ZBTB45: variants seen among roughly 807,000 people sequenced by gnomAD.
ZBTB45 encodes the protein zinc finger and BTB domain-containing protein 45.
In ZBTB45, 22 loss-of-function variants were observed where a neutral mutation model predicts 28.4. The ratio of observed to expected loss-of-function variants is 0.77; its 90% CI spans 0.55 to 1.10. The LOEUF (loss-of-function observed/expected upper bound fraction) is 1.10. ZBTB45 is among the 50% of genes least tolerant of loss of function. ZBTB45 has a pLI of 0.00. For synonymous variants in ZBTB45, 361 were observed against 332.3 expected, an observed-to-expected ratio of 1.09 and a Z score of -0.94; for missense variants, 656 against 750.2, an observed-to-expected ratio of 0.87 and a Z score of 1.47.
At position 58,514,193 on chromosome 19, in the gene ZBTB45, T is replaced by G. The variant is rs745440617; in HGVS notation, c.1397A>C (p.Lys466Thr). The change falls in exon 3 of 3, where the codon AAG (lysine) becomes ACG (threonine). Residue 466 changes from lysine (K) to threonine (T), a missense_variant. By Grantham distance (78) the Lys-to-Thr change is moderately conservative. Around this residue, in one of 3 missense-constraint regions of ZBTB45, gnomAD observed 103 missense variants for 153.5 expected, o/e 0.67. Transcript: ENST00000594051. ...GAGCGAGCTCTTCTGCGTGAAGCGC[T>G]TGGCGCAGACGGCGCACTGGAAGGC... ...VRAFQCAVCA[K>T]RFTQKSSLNV... 6.2e-7 allele frequency: 1 copy of G among 1,612,600 alleles called. No homozygotes were observed. Among genetic ancestry groups the G allele is most frequent in the South Asian group, 1.1e-5 (1 of 91,046 alleles).
chr19:58,534,617 C>T (rs1164405722), intron 1 of ZBTB45, among the ~76,000 whole-genome samples: 5 of 149,180 alleles, frequency 3.4e-5, no homozygotes, highest in African/African-American at 7.5e-5. Flanking sequence ...AGTGCAGTGG[C>T]GCAATCTCGG....
At chr19:58,536,060 C>T (rs1412819897) in intron 1 of ZBTB45, among the ~76,000 whole-genome samples, 1 of 151,998 alleles carries the variant, frequency 6.6e-6, no homozygotes, top group Admixed American at 6.6e-5. Flanking sequence ...AGGGCCATAC[C>T]CTAGAGTTGT....
intron 1 of ZBTB45, among the ~76,000 whole-genome samples, chr19:58,525,790 C>G (rs1208387147): frequency 6.6e-6 from 1 of 152,156 alleles, no homozygotes; most frequent in Non-Finnish European, 1.5e-5. Flanking sequence ...GTACTACCAG[C>G]CCTGTGGACA....
At position 58,513,830 on chromosome 19, in the gene ZBTB45, C is replaced by G; in HGVS notation, c.*224G>C. Reference sequence around the variant, plus strand: ...GTCCAGTTCTCAGAAGTGGTCTAACCAGCCCCAGCCCCAGCCCGGCACCAC... The same window carrying G: ...GTCCAGTTCTCAGAAGTGGTCTAACGAGCCCCAGCCCCAGCCCGGCACCAC... On this transcript the variant is annotated 3_prime_UTR_variant, in exon 3 of 3. Transcript: ENST00000594051. The G allele has an allele frequency of 2.0e-6, 1 of 503,278 alleles. No homozygotes were observed. Among genetic ancestry groups the G allele is most frequent in the Non-Finnish European group, 3.2e-6 (1 of 312,008 alleles). 31.2% of individuals were successfully genotyped at this position (503,278 alleles called of 1,614,324 possible).
In ZBTB45 at chr19:58,517,186, C is replaced by G; in HGVS notation, c.488G>C (p.Gly163Ala). 6.2e-7 allele frequency: 1 copy of G among 1,606,830 alleles called. No individual in the cohort carries two copies. Among genetic ancestry groups the G allele is most frequent in the South Asian group, 1.1e-5 (1 of 90,810 alleles). The stretch of plus-strand genomic sequence containing the variant: ...ACGGCTGTGTGCAGCACCGGGGTGC[C>G]CCGGGGGACGTGCAGCCAGCAGGTG... The part of the protein sequence containing the change: ...LRHLLAARPP[G>A]HPGAAHSRKQ... The change falls in exon 2 of 3, where the codon GGG (glycine) becomes GCG (alanine). Residue 163 changes from glycine (G) to alanine (A), a missense_variant. By Grantham distance (60) the Gly-to-Ala change is moderately conservative (BLOSUM62 0). Transcript: ENST00000594051.
chr19:58,529,355 G>A (rs142655486), intron 1 of ZBTB45, among the ~76,000 whole-genome samples: 17 of 152,290 alleles, frequency 1.1e-4, no homozygotes, highest in African/African-American at 3.4e-4. Context: ...ATGGCAGCCC[G>A]AGGAGGTTGA....
At chr19:58,531,767 T>A (rs1319715179) in intron 1 of ZBTB45, among the ~76,000 whole-genome samples, 1 of 152,202 alleles carries the variant, frequency 6.6e-6, no homozygotes, top group Non-Finnish European at 1.5e-5. Context: ...TTATTGTGCA[T>A]CAGCCGATGA....
chr19:58,515,852 CG>C lies in ZBTB45; in HGVS notation c.1279+542del, dbSNP rs1216463861. Reference sequence around the variant, plus strand: ...CCGAGGGAACCTCCCCACAGCTTTTCGGGGTCCTCTGCAGCTGTGGAGTCCC... The same window carrying C: ...CCGAGGGAACCTCCCCACAGCTTTTCGGGTCCTCTGCAGCTGTGGAGTCCC... On this transcript the variant is annotated intron_variant, in intron 2 of 2. Coordinates refer to ENST00000594051, the MANE Select transcript of ZBTB45 (RefSeq NM_001316979.2). This position sits in a 1 kb window ranked among gnomAD's most constrained non-coding sequence, Gnocchi z 4.7. Among the ~76,000 whole-genome samples, 4 of 152,150 alleles carry C rather than the reference CG, an allele frequency of 2.6e-5. No homozygotes were observed. The highest frequency in any genetic ancestry group is 9.7e-5 in the African/African-American group (4 of 41,420).
intron 1 of ZBTB45, among the ~76,000 whole-genome samples, chr19:58,533,509 G>A (rs1380041323): frequency 6.6e-6 from 1 of 152,128 alleles, no homozygotes; most frequent in African/African-American, 2.4e-5. Flanking sequence ...ACTGGAAGAA[G>A]CAAGGAAGGA....
chr19:58,532,088 C>T lies in ZBTB45; in HGVS notation c.-1+6613G>A, dbSNP rs575539729. On this transcript the variant is annotated intron_variant, in intron 1 of 1. Transcript: ENST00000600130. ...TTGGGAAGGCAGCAAACAGAAGGGG[C>T]GAGGGCACCCACCAAGTCCAGGAGT... 3.9e-5 allele frequency among the ~76,000 whole-genome samples: 6 copies of T among 152,130 alleles called. No homozygotes were observed. The East Asian group carries it at 5.8e-4, about 15-fold the overall frequency.
chr19:58,518,588 A>G (rs1187835059), intron 1 of ZBTB45, among the ~76,000 whole-genome samples: 1 of 152,050 alleles, frequency 6.6e-6, no homozygotes, highest in Non-Finnish European at 1.5e-5. Flanking sequence ...AATCGGGGAC[A>G]CGGCCCAACA....
In ZBTB45 at chr19:58,516,469, G is replaced by GT; in HGVS notation, c.1204dup (p.Thr402AsnfsTer3). On this transcript the variant is annotated frameshift_variant, in exon 2 of 3. Coordinates refer to ENST00000594051, the MANE Select transcript of ZBTB45 (RefSeq NM_001316979.2). LOFTEE classifies it high-confidence loss of function. The surrounding 1 kb of genome is among the most constrained non-coding windows in gnomAD (Gnocchi z 6.2). Reference sequence around the variant, plus strand: ...CTTGCGACAGTGGCTGCACTCATACGTAGGTGGCTCAGCACCTGGGGTGCG... The same window carrying GT: ...CTTGCGACAGTGGCTGCACTCATACGTTAGGTGGCTCAGCACCTGGGGTGCG... 1.2e-6 allele frequency: 2 copies of GT among 1,613,928 alleles called. No individual in the cohort carries two copies. Among genetic ancestry groups the GT allele is most frequent in the Non-Finnish European group, 1.7e-6 (2 of 1,179,852 alleles).
upstream of ZBTB45, among the ~76,000 whole-genome samples, chr19:58,524,435 A>ATGTGTGTGTGTGTGTGTGTGTGTG: frequency 7.2e-6 from 1 of 138,260 alleles, no homozygotes; most frequent in East Asian, 2.1e-4. Context: ...GTGTTCATAT[A>ATGTGTGTGTGTGTGTGTGTGTGTG]TGTGTGTGTG....
At chr19:58,532,554 CT>C (rs1000243302) in intron 1 of ZBTB45, among the ~76,000 whole-genome samples, 2 of 151,404 alleles carry the variant, frequency 1.3e-5, no homozygotes, top group Non-Finnish European at 3.0e-5. Context: ...TTTGTCTTTT[CT>C]TTTTTTTTGA....
At position 58,526,536 on chromosome 19, in the gene ZBTB45, T is replaced by A. The variant is rs1462782413; in HGVS notation, c.1-8863A>T. On this transcript the variant is annotated intron_variant, in intron 1 of 1. Coordinates refer to the ZBTB45 transcript ENST00000600130. The stretch of plus-strand genomic sequence containing the variant: ...TTATTATTATTATTATTTTTTTTTT[T>A]TTTTTTTTTTTTTGAGATGGAGTCT... 5.3e-3 allele frequency among the ~76,000 whole-genome samples: 690 copies of A among 129,050 alleles called. 7 individuals carry two copies. Among genetic ancestry groups the A allele is most frequent in the South Asian group, 6.8e-3 (26 of 3,818 alleles). 84.7% of individuals were successfully genotyped at this position (129,050 alleles called of 152,430 possible).
rs146014182 is a variant in ZBTB45 at position 58,529,589 on chromosome 19, C to T, written c.-1+9112G>A. Among the ~76,000 whole-genome samples, 734 of 152,294 alleles carry T rather than the reference C, an allele frequency of 4.8e-3. 6 individuals are homozygous for T. Among genetic ancestry groups the T allele is most frequent in the African/African-American group, 0.016 (655 of 41,558 alleles). On this transcript the variant is annotated intron_variant, in intron 1 of 1. Transcript: ENST00000600130. ...GGAAACCATTAACCTAACCTTCTGT[C>T]TAAACAAATGTGCTGATTCTGGATT...
Position 58,514,038 on chromosome 19 carries a change from C to T in ZBTB45, c.*16G>A. On this transcript the variant is annotated 3_prime_UTR_variant, in exon 3 of 3. Coordinates refer to ENST00000594051, the MANE Select transcript of ZBTB45 (RefSeq NM_001316979.2). ...GGCCCCGGATCCACCGTGGGCGAGG[C>T]CAGGCCCCAGCGCCATCAGGGCGCA... 7.1e-7 allele frequency: 1 copy of T among 1,410,294 alleles called. No individual in the cohort carries two copies. The highest frequency in any genetic ancestry group is 9.2e-7 in the Non-Finnish European group (1 of 1,089,176). 87.4% of individuals were successfully genotyped at this position (1,410,294 alleles called of 1,614,324 possible).
chr19:58,521,188 C>A (rs1310325614), upstream of ZBTB45, among the ~76,000 whole-genome samples: 1 of 148,376 alleles, frequency 6.7e-6, no homozygotes, highest in Admixed American at 6.8e-5. Context: ...CACGGTGAAA[C>A]CCCGTCTCTA....
intron 1 of ZBTB45, among the ~76,000 whole-genome samples, 183 bp from the exon 2 acceptor site, chr19:58,517,856 A>C (rs1600060650): frequency 2.8e-5 from 4 of 144,708 alleles, no homozygotes; most frequent in South Asian, 2.3e-4. Context: ...ACACTCCAGC[A>C]CTCCCTCCTC....
Sources: gnomAD v4.1 joint callset for allele counts (sites outside exome capture counted in the v4.1 genomes callset) on GRCh38, gnomAD v4.1.1 for gene constraint, gnomAD v4.1.1 regional missense constraint, Gnocchi (gnomAD v3.1) non-coding constraint, MANE v1.5 for transcripts, NCBI Gene and HGNC (gene_info 2026-07-23, HGNC 2026-07-21) for gene names.